SMYD2: variants seen among roughly 807,000 people sequenced by gnomAD.
SMYD2 encodes SET and MYND domain containing 2, also known as N-lysine methyltransferase SMYD2.
SMYD2 carries 53 observed loss-of-function variants against 59.1 expected under a neutral mutation model. The observed-to-expected ratio is 0.90, with a 90% CI of 0.72 to 1.13. The LOEUF is 1.13. Ranked by LOEUF, SMYD2 falls within the 50% of genes most tolerant of loss-of-function variation. SMYD2 has a pLI of 0.00. For missense variants in SMYD2, 494 were observed against 544.7 expected (o/e 0.91, Z 0.93); for synonymous variants, 208 against 198.8 (o/e 1.05, Z -0.39).
chr1:214,292,915 C>T (rs1333840926), intron 1 of SMYD2, among the ~76,000 whole-genome samples: 1 of 152,124 alleles, frequency 6.6e-6, no homozygotes, highest in African/African-American at 2.4e-5. Flanking sequence ...TCCTCTGCCT[C>T]CTTCCTAGGT....
Position 214,314,803 on chromosome 1 carries a change from G to T in SMYD2, c.279G>T (p.Met93Ile). 1 of 1,614,084 alleles carries T rather than the reference G, an allele frequency of 6.2e-7. No individual in the cohort carries two copies. Among genetic ancestry groups the T allele is most frequent in the Non-Finnish European group, 8.5e-7 (1 of 1,180,014 alleles). Residue 93 changes from methionine (M) to isoleucine (I), a missense_variant, in exon 3 of 12, where the codon ATG becomes ATT. By Grantham distance (10) the Met-to-Ile change is conservative. Transcript: ENST00000366957. The stretch of plus-strand genomic sequence containing the variant: ...TGCACAAGCTGGAATGTTCTCCCAT[G>T]GTTGTTTTTGGGGAAAACTGGAATC... ...WPMHKLECSP[M>I]VVFGENWNPS...
rs544966393 is a variant in SMYD2, at chr1:214,318,217, C to T, written c.409+78C>T. ...GGGTTGGGCAGGATTGAAGCGAGGA[C>T]GGGCTAGTTTGTGCTCAGAGGAGTA... On this transcript the variant is annotated intron_variant, in intron 4 of 11. Coordinates refer to ENST00000366957, the MANE Select transcript of SMYD2 (RefSeq NM_020197.3). This position sits in a 1 kb window ranked among gnomAD's most constrained non-coding sequence, Gnocchi z 5.4. 1.7e-5 allele frequency: 23 copies of T among 1,365,260 alleles called. No homozygotes were observed. Among genetic ancestry groups the T allele is most frequent in the East Asian group, 2.3e-5 (1 of 43,250 alleles). 84.6% of individuals were successfully genotyped at this position (1,365,260 alleles called of 1,614,324 possible). A position where few individuals can be genotyped will look rare whatever the true frequency, so the allele number is the denominator to read the frequency against.
chr1:214,300,811 A>G (rs921394318), intron 1 of SMYD2, among the ~76,000 whole-genome samples: 3 of 152,222 alleles, frequency 2.0e-5, no homozygotes, highest in Admixed American at 6.5e-5. Context: ...CATTTGAAAA[A>G]TAGGAATAAT....
rs557693732 is a variant in SMYD2, at chr1:214,286,704, GT to G, written c.173+5279del. ...GAACCTAGGAACCCAGGAGGCAGAGGTTGCAGTGAGCTGAGATCACGCCACT... is the reference window on the plus strand; with the variant it reads ...GAACCTAGGAACCCAGGAGGCAGAGGTGCAGTGAGCTGAGATCACGCCACT... On this transcript the variant is annotated intron_variant, in intron 1 of 11. Coordinates refer to ENST00000366957, the MANE Select transcript of SMYD2 (RefSeq NM_020197.3). 9.4e-4 allele frequency among the ~76,000 whole-genome samples: 131 copies of G among 139,664 alleles called. 6 individuals carry two copies. The South Asian group carries it at 0.029, about 31-fold the overall frequency. 91.6% of individuals were successfully genotyped at this position (139,664 alleles called of 152,430 possible). A position where few individuals can be genotyped will look rare whatever the true frequency, so the allele number is the denominator to read the frequency against.
In SMYD2 at chr1:214,314,808, T is replaced by C; in HGVS notation, c.284T>C (p.Val95Ala). The change falls in exon 3 of 12, where the codon GTT becomes GCT. Residue 95 changes from valine to alanine, a missense_variant. Val to Ala is a moderately conservative substitution (Grantham distance 64). Transcript: ENST00000366957. ...AAGCTGGAATGTTCTCCCATGGTTG[T>C]TTTTGGGGAAAACTGGAATCCCTCG... Reference protein sequence around the residue: ...MHKLECSPMVVFGENWNPSET... With the variant: ...MHKLECSPMVAFGENWNPSET... The C allele has an allele frequency of 6.2e-7, 1 of 1,613,986 alleles. No individual in the cohort carries two copies. Among genetic ancestry groups the C allele is most frequent in the Non-Finnish European group, 8.5e-7 (1 of 1,179,890 alleles).
intron 1 of SMYD2, among the ~76,000 whole-genome samples, chr1:214,299,608 C>G (rs1404366067): frequency 6.6e-6 from 1 of 151,994 alleles, no homozygotes; most frequent in Non-Finnish European, 1.5e-5. Context: ...CTCATGTTCT[C>G]ACTTCTTTGT....
chr1:214,330,509 C>T (rs1054535261), intron 8 of SMYD2, among the ~76,000 whole-genome samples: 5 of 152,134 alleles, frequency 3.3e-5, no homozygotes, highest in African/African-American at 9.7e-5. Flanking sequence ...AAAGGTCTGC[C>T]GAACTGCTCT....
At chr1:214,326,267 C>T (rs1035508743) in intron 6 of SMYD2, among the ~76,000 whole-genome samples, 4 of 149,116 alleles carry the variant, frequency 2.7e-5, no homozygotes, top group Non-Finnish European at 4.5e-5. Context: ...GAGTGAGGTG[C>T]TTTGAGGATT....
At chr1:214,319,279 T>C (rs553170899) in intron 5 of SMYD2, among the ~76,000 whole-genome samples, 1 of 152,298 alleles carries the variant, frequency 6.6e-6, no homozygotes, top group East Asian at 1.9e-4. Flanking sequence ...TACTCTGGCA[T>C]ACTTTAAGCT....
intron 2 of SMYD2, among the ~76,000 whole-genome samples, chr1:214,308,193 G>A (rs773956883): frequency 6.6e-6 from 1 of 152,174 alleles, no homozygotes; most frequent in Non-Finnish European, 1.5e-5. Context: ...GAGTGGTACC[G>A]CAGCTCCTGA....
chr1:214,336,488 C>T (rs1657440516), intron 11 of SMYD2, among the ~76,000 whole-genome samples: 1 of 152,164 alleles, frequency 6.6e-6, no homozygotes, highest in Non-Finnish European at 1.5e-5. Context: ...GCGGAGATCG[C>T]ACCACTGCAC....
rs1003843629 is a variant in SMYD2, at chr1:214,331,125, G to A, written c.937+55G>A. ...TTATCCCTCGCCAACAAGGCAAGGT[G>A]GGAAGTTGGAAAGAGGGAGCAGGAG... is the stretch of plus-strand genomic sequence containing the variant. On this transcript the variant is annotated intron_variant, in intron 9 of 11. Transcript: ENST00000366957. 9 of 1,602,582 alleles carry A rather than the reference G, an allele frequency of 5.6e-6. No homozygotes were observed. The African/African-American group carries it at 1.1e-4, about 19-fold the overall frequency.
chr1:214,314,738 T>A, intron 2 of SMYD2, 24 bp from the exon 3 acceptor site: 1 of 1,568,948 alleles, frequency 6.4e-7, no homozygotes, highest in Non-Finnish European at 8.8e-7. Flanking sequence ...TATTTTTTAA[T>A]AATGTTTTTT....
At chr1:214,282,438 A>G (rs559521857) in intron 1 of SMYD2, among the ~76,000 whole-genome samples, 144 of 152,340 alleles carry the variant, frequency 9.5e-4, no homozygotes, top group African/African-American at 3.3e-3. Context: ...GGTTAAGTTT[A>G]TATCAGGCCT....
chr1:214,308,657 G>C (rs1324353595), intron 2 of SMYD2, among the ~76,000 whole-genome samples: 1 of 152,146 alleles, frequency 6.6e-6, no homozygotes, highest in African/African-American at 2.4e-5. Context: ...TCAAAGGTAG[G>C]CCCTACCCCC....
chr1:214,286,495 G>A (rs1485716959), intron 1 of SMYD2, among the ~76,000 whole-genome samples: 2 of 151,930 alleles, frequency 1.3e-5, no homozygotes, highest in Non-Finnish European at 2.9e-5. Flanking sequence ...TGTGGACTGG[G>A]CATGGTGGCT....
chr1:214,330,255 C>T lies in SMYD2; in HGVS notation c.793C>T (p.Gln265Ter), dbSNP rs1240971361. ...TTCTTATTTCTTTACCTGTGAGTGC[C>T]AGGAGTGTACCACCAAGGACAAGGT... ...RDSYFFTCEC[Q>*]ECTTKDKDKA... The change falls in exon 8 of 12, where the codon CAG becomes TAG. Residue 265 changes from glutamine to a stop codon, truncating the protein, a stop_gained. Coordinates refer to ENST00000366957, the MANE Select transcript of SMYD2 (RefSeq NM_020197.3). LOFTEE classifies it high-confidence loss of function. 2 of 1,612,686 alleles carry T rather than the reference C, an allele frequency of 1.2e-6. No homozygotes were observed. The highest frequency in any genetic ancestry group is 3.3e-5 in the Admixed American group (2 of 59,954).
intron 5 of SMYD2, among the ~76,000 whole-genome samples, chr1:214,323,264 T>G (rs1320278100): frequency 6.6e-6 from 1 of 152,136 alleles, no homozygotes; most frequent in African/African-American, 2.4e-5. Flanking sequence ...TTCTGTTTGT[T>G]TTTCTGTGCA....
At chr1:214,299,153 G>T (rs1464536313) in intron 1 of SMYD2, among the ~76,000 whole-genome samples, 1 of 152,084 alleles carries the variant, frequency 6.6e-6, no homozygotes, top group Non-Finnish European at 1.5e-5. Context: ...GATTGAGACC[G>T]TGTCTCCAGA....
Sources: gnomAD v4.1 joint callset for allele counts (sites outside exome capture counted in the v4.1 genomes callset) on GRCh38, gnomAD v4.1.1 for gene constraint, Gnocchi (gnomAD v3.1) non-coding constraint, MANE v1.5 for transcripts, NCBI Gene and HGNC (gene_info 2026-07-23, HGNC 2026-07-21) for gene names.